The following NIPAL2 variants were observed in gnomAD, a reference collection of about 807,000 sequenced individuals.
The protein encoded by NIPAL2 is NIPA-like protein 2.
NIPAL2 carries 43 observed loss-of-function variants against 48.9 expected under a neutral mutation model. The observed-to-expected ratio is 0.88, with a 90% CI of 0.69 to 1.13. The LOEUF is 1.13. Among genes scored for constraint, NIPAL2 ranks in the 50% most tolerant of loss-of-function variants. The pLI is 0.00. For synonymous variants in NIPAL2, 167 were observed against 174.6 expected (o/e 0.96, Z 0.34); for missense variants, 446 against 461.4 (o/e 0.97, Z 0.31).
chr8:98,236,851 C>CAAAAA (rs34210829), intron 3 of NIPAL2, among the ~76,000 whole-genome samples: 3 of 66,900 alleles, frequency 4.5e-5, no homozygotes, highest in Non-Finnish European at 5.7e-5. Flanking sequence ...GATCCTGTCT[C>CAAAAA]AAAAAAAAAA....
At chr8:98,246,421 C>A (rs889316794) in intron 3 of NIPAL2, among the ~76,000 whole-genome samples, 1 of 152,180 alleles carries the variant, frequency 6.6e-6, no homozygotes, top group South Asian at 2.1e-4. Context: ...AGCTCTCCAA[C>A]CTTAATACAA....
intron 1 of NIPAL2, among the ~76,000 whole-genome samples, chr8:98,281,845 T>C (rs1443625294): frequency 6.6e-6 from 1 of 152,184 alleles, no homozygotes; most frequent in Non-Finnish European, 1.5e-5. Flanking sequence ...CATGGTGGCT[T>C]AACATAACAC....
intron 1 of NIPAL2, among the ~76,000 whole-genome samples, chr8:98,272,075 T>C (rs765702955): frequency 1.3e-5 from 2 of 152,188 alleles, no homozygotes; most frequent in Non-Finnish European, 2.9e-5. Context: ...AATTTTATGG[T>C]GTGCTGCTGG....
intron 1 of NIPAL2, among the ~76,000 whole-genome samples, chr8:98,268,996 C>A (rs527255179): frequency 6.6e-6 from 1 of 152,184 alleles, no homozygotes; most frequent in African/African-American, 2.4e-5. Flanking sequence ...TAAGAAACCC[C>A]TTTCTTTGCT....
At chr8:98,209,181 A>T (rs570038217) in intron 6 of NIPAL2, among the ~76,000 whole-genome samples, 1 of 152,332 alleles carries the variant, frequency 6.6e-6, no homozygotes, top group East Asian at 1.9e-4. Flanking sequence ...AATTCTACTT[A>T]AAGAATATAT....
intron 5 of NIPAL2, among the ~76,000 whole-genome samples, chr8:98,216,423 C>T (rs895466995): frequency 2.0e-5 from 3 of 152,136 alleles, no homozygotes; most frequent in Non-Finnish European, 2.9e-5. Flanking sequence ...ACTCTGCTAC[C>T]GAAGAAGTGG....
At chr8:98,231,211 C>T (rs1193512950) in intron 4 of NIPAL2, among the ~76,000 whole-genome samples, 4 of 152,214 alleles carry the variant, frequency 2.6e-5, no homozygotes, top group East Asian at 1.9e-4. Context: ...AAGGACCCCT[C>T]GATTGAAAAT....
At chr8:98,209,320 C>A (rs1410600332) in intron 6 of NIPAL2, among the ~76,000 whole-genome samples, 1 of 151,790 alleles carries the variant, frequency 6.6e-6, no homozygotes, top group African/African-American at 2.4e-5. Flanking sequence ...TTTATTAAGA[C>A]CACTTGGGCC....
intron 1 of NIPAL2, among the ~76,000 whole-genome samples, chr8:98,279,680 TG>T (rs1282678584): frequency 6.6e-6 from 1 of 152,234 alleles, no homozygotes; most frequent in African/African-American, 2.4e-5. Flanking sequence ...GATAACTTTT[TG>T]GCTAGTCAAT....
chr8:98,207,955 C>T (rs977077057), intron 6 of NIPAL2, among the ~76,000 whole-genome samples: 6 of 151,820 alleles, frequency 4.0e-5, no homozygotes, highest in Admixed American at 6.6e-5. Context: ...CTATTAAAAG[C>T]GGGGCTGTGA....
At chr8:98,215,833 C>T (rs1811551191) in intron 5 of NIPAL2, among the ~76,000 whole-genome samples, 1 of 151,910 alleles carries the variant, frequency 6.6e-6, no homozygotes, top group South Asian at 2.1e-4. Flanking sequence ...TTGATGTAAG[C>T]CTTGAAGGAA....
rs145123316 is a variant in NIPAL2, at chr8:98,212,483, A to C, written c.577T>G (p.Phe193Val). 455 of 1,458,168 alleles carry C rather than the reference A, an allele frequency of 3.1e-4. No homozygotes were observed. Among genetic ancestry groups the C allele is most frequent in the Non-Finnish European group, 4.0e-4 (418 of 1,039,554 alleles). 90.3% of individuals were successfully genotyped at this position (1,458,168 alleles called of 1,614,324 possible). The change falls in exon 6 of 11, where the codon TTC becomes GTC. Residue 193 changes from phenylalanine (F) to valine (V), a missense_variant. Physicochemically the swap from Phe to Val is conservative, Grantham distance 50 (BLOSUM62 -1). Coordinates refer to ENST00000430223, the MANE Select transcript of NIPAL2 (RefSeq NM_001321635.2). Reference sequence around the variant, plus strand: ...TTATAGAAATACAGGAGAATGCAGAAAATTAATATTTCTAAAATCTAGAAA... The same window carrying C: ...TTATAGAAATACAGGAGAATGCAGACAATTAATATTTCTAAAATCTAGAAA... Reference protein sequence around the residue: ...LIYVILEILIFCILLYFYKRK... With the variant: ...LIYVILEILIVCILLYFYKRK...
chr8:98,211,774 G>GTGTGTT, intron 6 of NIPAL2, among the ~76,000 whole-genome samples: 1 of 148,920 alleles, frequency 6.7e-6, no homozygotes, highest in East Asian at 2.0e-4. Context: ...GTGTAGGGGT[G>GTGTGTT]GGGGAAAGAG....
At chr8:98,253,576 T>G (rs1813710237) in intron 2 of NIPAL2, among the ~76,000 whole-genome samples, 1 of 152,178 alleles carries the variant, frequency 6.6e-6, no homozygotes, top group South Asian at 2.1e-4. Context: ...CTCAAGACCA[T>G]TAGTCTATAG....
intron 3 of NIPAL2, 110 bp from the exon 4 acceptor site, chr8:98,236,324 C>CCTG: frequency 1.5e-6 from 1 of 658,056 alleles, no homozygotes; most frequent in South Asian, 1.9e-5. Context: ...GAGCTATGTC[C>CCTG]TGATCAGAGA....
intron 3 of NIPAL2, among the ~76,000 whole-genome samples, chr8:98,238,175 G>T (rs1239945401): frequency 6.6e-6 from 1 of 152,112 alleles, no homozygotes; most frequent in Non-Finnish European, 1.5e-5. Context: ...ATGAGTATAG[G>T]CATGGGAAAA....
At chr8:98,265,190 C>T (rs1814632268) in intron 1 of NIPAL2, among the ~76,000 whole-genome samples, 1 of 149,076 alleles carries the variant, frequency 6.7e-6, no homozygotes, top group East Asian at 2.0e-4. Flanking sequence ...AGAAGAAAAC[C>T]TAGGCATTAC....
At chr8:98,285,542 C>T (rs558591190) in intron 1 of NIPAL2, among the ~76,000 whole-genome samples, 95 of 152,232 alleles carry the variant, frequency 6.2e-4, no homozygotes, top group African/African-American at 2.2e-3. Context: ...GGCGAGCCTG[C>T]TAAAAGTGGA....
chr8:98,196,921 C>T (rs1810576943), intron 8 of NIPAL2, among the ~76,000 whole-genome samples: 1 of 152,166 alleles, frequency 6.6e-6, no homozygotes, highest in Non-Finnish European at 1.5e-5. Context: ...ATGTCCAGTT[C>T]TAATGAATAT....
Sources: allele counts gnomAD v4.1 joint callset (sites outside exome capture counted in the v4.1 genomes callset), GRCh38; gene constraint gnomAD v4.1.1; transcripts MANE v1.5; gene names NCBI Gene and HGNC (gene_info 2026-07-23, HGNC 2026-07-21).